TSPAN11: variants seen among roughly 807,000 people sequenced by gnomAD.
The protein encoded by TSPAN11 is tetraspanin-11.
In TSPAN11, 29 loss-of-function variants were observed where a neutral mutation model predicts 32.9. That is an observed-to-expected ratio of 0.88 (90% confidence interval 0.66 to 1.20). TSPAN11 has a LOEUF of 1.20. TSPAN11 is among the 50% of genes most tolerant of loss of function. The pLI is 0.00. For missense variants in TSPAN11, 283 were observed against 329.1 expected (o/e 0.86, Z 1.08); for synonymous variants, 140 against 141.3 (o/e 0.99, Z 0.07).
chr12:30,979,937 C>T (rs554016962), intron 5 of TSPAN11, among the ~76,000 whole-genome samples: 1 of 152,350 alleles, frequency 6.6e-6, no homozygotes, highest in South Asian at 2.1e-4. Context: ...CTGCTGCCTT[C>T]CCGTTCTGGG....
intron 6 of TSPAN11, 126 bp from the exon 7 acceptor site, chr12:30,982,921 TAGCCTGTGAGCAATTCA>T: frequency 9.2e-7 from 1 of 1,084,298 alleles, no homozygotes; most frequent in African/African-American, 1.6e-5. Context: ...GCCACTCAAG[TAGCCTGTGAGCAATTCA>T]AGGTTGGGTC....
chr12:30,945,098 G>A (rs972003463), intron 1 of TSPAN11, among the ~76,000 whole-genome samples: 1 of 152,048 alleles, frequency 6.6e-6, no homozygotes, highest in African/African-American at 2.4e-5. Flanking sequence ...CCATCTGACT[G>A]GGCAGCCCCT....
At chr12:31,005,464 G>A in the TSPAN11 span, among the ~76,000 whole-genome samples, 1 of 152,188 alleles carries the variant, frequency 6.6e-6, no homozygotes, top group African/African-American at 2.4e-5. Flanking sequence ...GGAAGGGCAG[G>A]AGACAGACAC....
chr12:31,013,517 C>T, the TSPAN11 span, among the ~76,000 whole-genome samples: 2 of 151,926 alleles, frequency 1.3e-5, no homozygotes, highest in Non-Finnish European at 2.9e-5. Flanking sequence ...CCCAGGAGGT[C>T]GATCCAGGCT....
chr12:30,964,969 C>T (rs1164575102), intron 3 of TSPAN11, among the ~76,000 whole-genome samples: 1 of 152,236 alleles, frequency 6.6e-6, no homozygotes, highest in Non-Finnish European at 1.5e-5. Flanking sequence ...AACCATGCCA[C>T]CACCCACCCC....
the TSPAN11 span, among the ~76,000 whole-genome samples, chr12:31,001,675 C>T: frequency 2.0e-5 from 3 of 152,248 alleles, no homozygotes; most frequent in Non-Finnish European, 4.4e-5. Context: ...CTCAATTGTG[C>T]TTTGCTGAGC....
intron 6 of TSPAN11, 27 bp downstream of exon 6, chr12:30,982,717 T>C (rs781024643): frequency 9.8e-6 from 15 of 1,532,618 alleles, no homozygotes. Context: ...AAGTTGGGGG[T>C]GAGGAGAGGG....
In TSPAN11 at chr12:30,975,404, G is replaced by T. The variant is rs1477601965; in HGVS notation, c.277-3157G>T. ...CTGTGCCCACCAGCACCCGGCCTCA[G>T]TCCCCTTGAAGCCCCAGGCCAGGCC... is the stretch of plus-strand genomic sequence containing the variant. On this transcript the variant is annotated intron_variant, in intron 3 of 7. Coordinates refer to ENST00000546076, the MANE Select transcript of TSPAN11 (RefSeq NM_001370302.1). This position sits in a 1 kb window ranked among gnomAD's most constrained non-coding sequence, Gnocchi z 4.5. Among the ~76,000 whole-genome samples, 1 of 152,072 alleles carries T rather than the reference G, an allele frequency of 6.6e-6. No homozygotes were observed. The highest frequency in any genetic ancestry group is 1.5e-5 in the Non-Finnish European group (1 of 67,992).
At chr12:30,998,861 A>G (rs905046399), downstream of TSPAN11, 4 of 152,186 alleles carry the variant, frequency 2.6e-5, no homozygotes, top group African/African-American at 9.7e-5. Flanking sequence ...CCAGAGGTCA[A>G]ATTCAACATC....
At chr12:30,962,630 G>A (rs1207326084) in intron 2 of TSPAN11, among the ~76,000 whole-genome samples, 1 of 152,236 alleles carries the variant, frequency 6.6e-6, no homozygotes, top group Admixed American at 6.5e-5. Context: ...TCCTGGGGCA[G>A]ATGGGGAGCT....
the TSPAN11 span, among the ~76,000 whole-genome samples, chr12:31,008,048 G>A: frequency 6.6e-6 from 1 of 152,054 alleles, no homozygotes; most frequent in African/African-American, 2.4e-5. Flanking sequence ...GAGGCAGGTG[G>A]CCACACAGGG....
At chr12:30,963,606 A>C (rs1277583800) in intron 2 of TSPAN11, among the ~76,000 whole-genome samples, 3 of 152,236 alleles carry the variant, frequency 2.0e-5, no homozygotes, top group African/African-American at 7.2e-5. Context: ...CCTGGATTCA[A>C]AACCTGGCTC....
At position 30,947,996 on chromosome 12, in the gene TSPAN11, G is replaced by A. The variant is rs539439937; in HGVS notation, c.-11-5985G>A. On this transcript the variant is annotated intron_variant, in intron 1 of 7. Transcript: ENST00000546076. Reference sequence around the variant, plus strand: ...TGGGTAAATACAGCCATTCCAAATGGGAGAAATTGGCCAAAACAAAGGGGT... The same window carrying A: ...TGGGTAAATACAGCCATTCCAAATGAGAGAAATTGGCCAAAACAAAGGGGT... Among the ~76,000 whole-genome samples, 4 of 152,268 alleles carry A rather than the reference G, an allele frequency of 2.6e-5. No homozygotes were observed. The South Asian group carries it at 8.3e-4, about 32-fold the overall frequency.
At chr12:30,997,785 AG>A (rs2072436966), downstream of TSPAN11, among the ~76,000 whole-genome samples, 1 of 152,148 alleles carries the variant, frequency 6.6e-6, no homozygotes, top group African/African-American at 2.4e-5. Context: ...GGGGGTGGTC[AG>A]GGGGGTGGCT....
At chr12:30,961,228 G>A (rs181714098) in intron 2 of TSPAN11, among the ~76,000 whole-genome samples, 11 of 151,820 alleles carry the variant, frequency 7.2e-5, no homozygotes, top group East Asian at 3.9e-4. Flanking sequence ...GTTTCCAGGC[G>A]GCTTGAGTGA....
At chr12:30,946,846 G>A (rs1025913202) in intron 1 of TSPAN11, among the ~76,000 whole-genome samples, 4 of 152,140 alleles carry the variant, frequency 2.6e-5, no homozygotes, top group African/African-American at 9.7e-5. Flanking sequence ...CTGTCCCTGG[G>A]GCTGTCCGTG....
At chr12:30,936,752 G>A (rs1270122744) in intron 1 of TSPAN11, among the ~76,000 whole-genome samples, 4 of 152,194 alleles carry the variant, frequency 2.6e-5, no homozygotes, top group African/African-American at 9.7e-5. Flanking sequence ...TGGATATTAG[G>A]GAGCCTGTGG....
intron 2 of TSPAN11, among the ~76,000 whole-genome samples, chr12:30,959,864 T>A (rs1386949142): frequency 1.3e-5 from 2 of 150,260 alleles, no homozygotes; most frequent in Non-Finnish European, 3.0e-5. Flanking sequence ...GGCCAGACAG[T>A]AAGAGCACCG....
Position 30,978,596 on chromosome 12 carries a change from G to A in TSPAN11, c.312G>A (p.Glu104=). ...FCLLLVIFLV[E]LVAGVLAHVY... is the part of the protein sequence containing the mutation. ...TGTTGCTCGTCATCTTCCTGGTTGA[G>A]CTGGTGGCGGGAGTCCTGGCCCATG... The change falls in exon 4 of 8, where the codon GAG becomes GAA. Residue 104 remains glutamate, a synonymous_variant. Transcript: ENST00000546076. 1 of 1,614,258 alleles carries A rather than the reference G, an allele frequency of 6.2e-7. No individual in the cohort carries two copies. The highest frequency in any genetic ancestry group is 8.5e-7 in the Non-Finnish European group (1 of 1,180,044).
Sources: gnomAD v4.1 joint callset for allele counts (sites outside exome capture counted in the v4.1 genomes callset) on GRCh38, gnomAD v4.1.1 for gene constraint, Gnocchi (gnomAD v3.1) non-coding constraint, MANE v1.5 for transcripts, NCBI Gene and HGNC (gene_info 2026-07-23, HGNC 2026-07-21) for gene names.